The following GID4 variants were observed in gnomAD, a reference collection of about 807,000 sequenced individuals.
GID4 encodes the protein GID complex subunit 4 homolog, also known as glucose-induced degradation protein 4 homolog.
Under a neutral mutation model 32.4 loss-of-function variants are expected in GID4, and 7 were observed. That is an observed-to-expected ratio of 0.22 (90% CI 0.12 to 0.41). GID4 has a LOEUF of 0.41. Among genes scored for constraint, GID4 ranks in the 10% least tolerant of loss-of-function variants. The pLI is 1.00. For synonymous variants in GID4, 166 were observed against 170.0 expected, an observed-to-expected ratio of 0.98 and a Z score of 0.18; for missense variants, 309 against 400.0, an observed-to-expected ratio of 0.77 and a Z score of 1.94.
chr17:18,056,876 A>C, intron 3 of GID4: 1 of 1,550,466 alleles, frequency 6.4e-7, no homozygotes, highest in Non-Finnish European at 8.7e-7. Flanking sequence ...CTTTTGTAGT[A>C]CTCAGCATTT....
intron 1 of GID4, among the ~76,000 whole-genome samples, chr17:18,040,241 AGATCAGG>A (rs2044780241): frequency 6.6e-6 from 1 of 152,002 alleles, no homozygotes; most frequent in Admixed American, 6.5e-5. Context: ...TGTCGTCCCT[AGATCAGG>A]GACTGCCACC....
chr17:18,045,437 T>C (rs1451061703), intron 2 of GID4, among the ~76,000 whole-genome samples: 1 of 152,202 alleles, frequency 6.6e-6, no homozygotes, highest in Non-Finnish European at 1.5e-5. Flanking sequence ...ATCATAATTG[T>C]CACAACCAAC....
chr17:18,054,074 G>A (rs2044940712), intron 2 of GID4, 53 bp from the exon 3 acceptor site: 2 of 993,858 alleles, frequency 2.0e-6, no homozygotes, highest in Admixed American at 1.9e-5. Context: ...TTTGTACAAA[G>A]GTTAAAAACT....
rs529966261 is a variant in GID4 at position 18,065,393 on chromosome 17, A to G, written c.*150A>G. The G allele has an allele frequency of 5.9e-6, 4 of 678,516 alleles. No homozygotes were observed. The highest frequency in any genetic ancestry group is 2.1e-5 in the Admixed American group (1 of 46,638). The allele number at this position is 678,516 out of a possible 1,614,324, so 42.0% of individuals were successfully genotyped here. On this transcript the variant is annotated 3_prime_UTR_variant, in exon 6 of 6. Transcript: ENST00000268719. ...ACAAAGCATGAATGTTAACCCACAG[A>G]ATCCAAGGAGCATGGCTGGCCCGTG...
At position 18,039,635 on chromosome 17, in the gene GID4, C is replaced by A. The variant is rs941340088; in HGVS notation, c.171C>A (p.Pro57=). The stretch of plus-strand genomic sequence containing the variant: ...GTGCGCGCCCCGGCCTCTCCCTCCC[C>A]GCCACCCTCCTCGGCTCCCGCGCGG... ...PARARPGLSL[P]ATLLGSRAAA... is the part of the protein sequence containing the mutation. The change falls in exon 1 of 6, where the codon CCC becomes CCA. Residue 57 remains proline, a synonymous_variant. Transcript: ENST00000268719. This position sits in a 1 kb window ranked among gnomAD's most constrained non-coding sequence, Gnocchi z 5.3. The A allele has an allele frequency of 1.5e-6, 2 of 1,324,482 alleles. No individual in the cohort carries two copies. The highest frequency in any genetic ancestry group is 1.5e-5 in the African/African-American group (1 of 65,094). The allele number at this position is 1,324,482 out of a possible 1,614,324, so 82.0% of individuals were successfully genotyped here. A position where few individuals can be genotyped will look rare whatever the true frequency, so the allele number is the denominator to read the frequency against.
At chr17:18,059,252 T>C (rs2142150658) in intron 4 of GID4, among the ~76,000 whole-genome samples, 1 of 152,296 alleles carries the variant, frequency 6.6e-6, no homozygotes, top group Non-Finnish European at 1.5e-5. Flanking sequence ...CATTGTCTTC[T>C]CCCTTTCCTT....
At chr17:18,052,816 T>G (rs957331919) in intron 2 of GID4, among the ~76,000 whole-genome samples, 1 of 152,186 alleles carries the variant, frequency 6.6e-6, no homozygotes, top group Non-Finnish European at 1.5e-5. Context: ...AGACATGATT[T>G]ACATATGTTT....
chr17:18,054,782 T>C (rs2044948948), intron 3 of GID4, among the ~76,000 whole-genome samples: 1 of 152,154 alleles, frequency 6.6e-6, no homozygotes, highest in African/African-American at 2.4e-5. Context: ...AACTGTCAAG[T>C]GTAGAGCATT....
At chr17:18,044,755 G>C (rs2044836367) in intron 1 of GID4, among the ~76,000 whole-genome samples, 1 of 152,320 alleles carries the variant, frequency 6.6e-6, no homozygotes, top group East Asian at 1.9e-4. Flanking sequence ...TAGAAAGAAA[G>C]TCAAGCCTGA....
At chr17:18,062,220 T>G in intron 5 of GID4, 1 of 404,612 alleles carries the variant, frequency 2.5e-6, no homozygotes, top group Non-Finnish European at 4.5e-6. Flanking sequence ...TAAGCACTTT[T>G]AAGCAATACT....
intron 2 of GID4, among the ~76,000 whole-genome samples, chr17:18,053,170 C>T (rs1244994429): frequency 1.3e-5 from 2 of 149,400 alleles, no homozygotes; most frequent in Non-Finnish European, 3.0e-5. Context: ...TGCGCCACCA[C>T]GCCCGGCTAA....
chr17:18,043,880 T>C (rs2044825907), intron 1 of GID4, among the ~76,000 whole-genome samples: 1 of 152,222 alleles, frequency 6.6e-6, no homozygotes. Flanking sequence ...AGGATTTACC[T>C]TGTAAGTGAA....
Position 18,052,663 on chromosome 17 carries a change from C to T in GID4, c.499-1464C>T, listed in dbSNP as rs75764983. Among the ~76,000 whole-genome samples the T allele has an allele frequency of 4.5e-3, 690 of 152,206 alleles. 6 individuals are homozygous for T. The highest frequency in any genetic ancestry group is 0.016 in the African/African-American group (666 of 41,516). ...AATGCAGAGAAATGTAGACTTTTTA[C>T]GGTGTTAACTTTTTGTCTTATTAAT... On this transcript the variant is annotated intron_variant, in intron 2 of 5. Transcript: ENST00000268719.
chr17:18,048,210 T>G (rs1355079431), intron 2 of GID4, among the ~76,000 whole-genome samples: 1 of 151,672 alleles, frequency 6.6e-6, no homozygotes, highest in Non-Finnish European at 1.5e-5. Context: ...CGATAACTTT[T>G]TTTTTTTGAG....
At chr17:18,040,037 C>G in intron 1 of GID4, 135 bp downstream of exon 1, 5 of 1,163,366 alleles carry the variant, frequency 4.3e-6, no homozygotes, top group Non-Finnish European at 5.4e-6. Flanking sequence ...CGCTTCCCAC[C>G]CGGGACCTTC....
chr17:18,065,116 T>C lies in GID4; in HGVS notation c.840-64T>C, dbSNP rs1461592984. 6 of 1,189,686 alleles carry C rather than the reference T, an allele frequency of 5.0e-6. No individual in the cohort carries two copies. The Admixed American group carries it at 6.7e-5, about 13-fold the overall frequency. The allele number at this position is 1,189,686 out of a possible 1,614,324, so 73.7% of individuals were successfully genotyped here. On this transcript the variant is annotated intron_variant, in intron 5 of 5. Coordinates refer to ENST00000268719, the MANE Select transcript of GID4 (RefSeq NM_024052.5). Reference sequence around the variant, plus strand: ...GGTGCTCTGCTTTTTGAGGGGTTACTAATGTCCTTTGCTCAGGGTGCATTA... The same window carrying C: ...GGTGCTCTGCTTTTTGAGGGGTTACCAATGTCCTTTGCTCAGGGTGCATTA...
At position 18,054,193 on chromosome 17, in the gene GID4, C is replaced by G; in HGVS notation, c.565C>G (p.Arg189Gly). Reference sequence around the variant, plus strand: ...CAGCAAAAAACACCCTTTCTTAACTCGCAAGTGGGATGCAGATGAAGATGT... The same window carrying G: ...CAGCAAAAAACACCCTTTCTTAACTGGCAAGTGGGATGCAGATGAAGATGT... ...IISKKHPFLT[R>G]KWDADEDVDR... The change falls in exon 3 of 6, where the codon CGC (arginine) becomes GGC (glycine). Residue 189 changes from arginine to glycine, a missense_variant. By Grantham distance (125) the Arg-to-Gly change is moderately radical (BLOSUM62 -2). Coordinates refer to ENST00000268719, the MANE Select transcript of GID4 (RefSeq NM_024052.5). 6.2e-7 allele frequency: 1 copy of G among 1,612,936 alleles called. No individual in the cohort carries two copies. The highest frequency in any genetic ancestry group is 8.5e-7 in the Non-Finnish European group (1 of 1,179,148).
At chr17:18,054,333 G>T in intron 3 of GID4, 99 bp downstream of exon 3, 1 of 700,070 alleles carries the variant, frequency 1.4e-6, no homozygotes, top group Non-Finnish European at 2.4e-6. Context: ...GGATTACTGG[G>T]GCTTTGCAAC....
At chr17:18,055,497 AT>A (rs1555531031) in intron 3 of GID4, among the ~76,000 whole-genome samples, 1 of 151,912 alleles carries the variant, frequency 6.6e-6, no homozygotes, top group Non-Finnish European at 1.5e-5. Flanking sequence ...TTTAAAAAAA[AT>A]TTTTTTTAGA....
Sources: allele counts gnomAD v4.1 joint callset (sites outside exome capture counted in the v4.1 genomes callset), GRCh38; gene constraint gnomAD v4.1.1; non-coding constraint Gnocchi (gnomAD v3.1); transcripts MANE v1.5; gene names NCBI Gene and HGNC (gene_info 2026-07-23, HGNC 2026-07-21).